Variants in LTA4H observed in about 807,000 individuals in gnomAD.
LTA4H encodes leukotriene A4 hydrolase, also known as leukotriene A-4 hydrolase.
In LTA4H, 59 loss-of-function variants were observed where a neutral mutation model predicts 89.8. The ratio of observed to expected loss-of-function variants is 0.66; its 90% CI spans 0.53 to 0.82. The LOEUF (loss-of-function observed/expected upper bound fraction) is 0.82, where lower values mean the gene tolerates loss of function less well. LTA4H is among the 40% of genes least tolerant of loss of function. LTA4H has a pLI of 0.00. For missense variants in LTA4H, 617 were observed against 727.0 expected (o/e 0.85, Z 1.74); for synonymous variants, 227 against 253.1 (o/e 0.90, Z 0.98).
At chr12:96,042,908 T>C (rs1383177087) in intron 1 of LTA4H, among the ~76,000 whole-genome samples, 1 of 152,112 alleles carries the variant, frequency 6.6e-6, no homozygotes, top group Non-Finnish European at 1.5e-5. Context: ...ATCAAACTTA[T>C]TTCTATATAT....
chr12:96,002,229 G>A (rs981229143), intron 18 of LTA4H, among the ~76,000 whole-genome samples: 1 of 152,154 alleles, frequency 6.6e-6, no homozygotes, highest in Non-Finnish European at 1.5e-5. Context: ...GTTTTAATTA[G>A]GGAAAGCATA....
At chr12:96,025,142 C>T (rs533144660) in intron 3 of LTA4H, among the ~76,000 whole-genome samples, 22 of 152,158 alleles carry the variant, frequency 1.4e-4, no homozygotes, top group Non-Finnish European at 2.8e-4. Context: ...CTTTTAGAAA[C>T]CTGAGAAAAA....
At chr12:96,036,948 G>C (rs10777767), upstream of LTA4H, among the ~76,000 whole-genome samples, 70,302 of 151,922 alleles carry the variant, frequency 0.46, 16,670 homozygotes, top group African/African-American at 0.5. Context: ...GAGATTGCGG[G>C]GCCGGTGCCA....
chr12:96,019,443 G>A (rs935842377), intron 6 of LTA4H, among the ~76,000 whole-genome samples: 1 of 152,054 alleles, frequency 6.6e-6, no homozygotes, highest in African/African-American at 2.4e-5. Context: ...TCTCTAAGGA[G>A]GTACAGGCTG....
intron 1 of LTA4H, among the ~76,000 whole-genome samples, chr12:96,042,498 G>C (rs1950695408): frequency 6.6e-6 from 1 of 152,012 alleles, no homozygotes. Context: ...TTTAGCAGGA[G>C]ACAAGATAAG....
At chr12:96,015,297 A>C (rs1950359633) in intron 11 of LTA4H, 1 of 501,402 alleles carries the variant, frequency 2.0e-6, no homozygotes, top group South Asian at 3.6e-5. Context: ...GACAACACTT[A>C]AAAATGACAT....
intron 4 of LTA4H, among the ~76,000 whole-genome samples, chr12:96,023,929 T>G (rs1256585975): frequency 6.6e-6 from 1 of 151,912 alleles, no homozygotes; most frequent in Non-Finnish European, 1.5e-5. Flanking sequence ...TGTTTTTTTG[T>G]TTTTTGGGTT....
upstream of LTA4H, among the ~76,000 whole-genome samples, chr12:96,038,729 A>C (rs2660840): frequency 0.31 from 46,540 of 148,708 alleles, 7,398 homozygotes; most frequent in South Asian, 0.34. Flanking sequence ...ACAATAGATA[A>C]CATAGAATTC....
chr12:96,036,858 C>T (rs1406491712), upstream of LTA4H, among the ~76,000 whole-genome samples: 4 of 152,166 alleles, frequency 2.6e-5, no homozygotes, highest in African/African-American at 4.8e-5. Context: ...CAGTATGCTT[C>T]CAGGTAGGCC....
chr12:96,006,211 C>A, intron 16 of LTA4H, 103 bp downstream of exon 16: 1 of 583,818 alleles, frequency 1.7e-6, no homozygotes, highest in Non-Finnish European at 3.0e-6. Flanking sequence ...TGATTTTTTC[C>A]CCATTAGTTT....
intron 14 of LTA4H, chr12:96,011,151 T>C (rs1346952769): frequency 6.6e-6 from 1 of 152,208 alleles, no homozygotes; most frequent in Non-Finnish European, 1.5e-5. Flanking sequence ...AGAAACACTT[T>C]TGAAGAACTA....
At chr12:96,011,712 T>C (rs1180539890) in intron 14 of LTA4H, 1 of 152,236 alleles carries the variant, frequency 6.6e-6, no homozygotes, top group East Asian at 1.9e-4. Context: ...GAATCTTTAT[T>C]ACATCTCTGC....
At chr12:96,003,794 T>C in intron 17 of LTA4H, 44 bp downstream of exon 17, 1 of 1,355,362 alleles carries the variant, frequency 7.4e-7, no homozygotes, top group East Asian at 2.3e-5. Context: ...CAAAGGAGTT[T>C]AGTTTTCTGC....
At chr12:96,008,816 G>T (rs1950249291) in intron 15 of LTA4H, among the ~76,000 whole-genome samples, 1 of 152,168 alleles carries the variant, frequency 6.6e-6, no homozygotes, top group Admixed American at 6.6e-5. Context: ...TTACTCGGGA[G>T]GCTGAGGTGG....
At chr12:96,006,187 A>T (rs772126013) in intron 16 of LTA4H, 127 bp downstream of exon 16, 4 of 548,490 alleles carry the variant, frequency 7.3e-6, no homozygotes, top group Non-Finnish European at 1.3e-5. Context: ...AAAGAAATGA[A>T]TAAATTTTAT....
At chr12:96,041,084 A>G (rs532954438) in intron 1 of LTA4H, among the ~76,000 whole-genome samples, 17 of 152,216 alleles carry the variant, frequency 1.1e-4, no homozygotes, top group Non-Finnish European at 2.1e-4. Context: ...CATACAATCC[A>G]AGGGATTAAA....
chr12:96,019,585 A>ATTTTTTT (rs755971682), intron 6 of LTA4H, among the ~76,000 whole-genome samples: 8 of 99,372 alleles, frequency 8.1e-5, no homozygotes, highest in African/African-American at 1.3e-4. Context: ...ATAAGAAACT[A>ATTTTTTT]TTTTTTTTTT....
rs1950630498 is a variant in LTA4H, at chr12:96,035,475, G to C, written c.45C>G (p.Ser15=). The change falls in exon 1 of 19, where the codon TCC becomes TCG. Residue 15 remains serine, a synonymous_variant. Transcript: ENST00000228740. ...VDTCSLASPA[S]VCRTKHLHLR... ...GGTGCAGGTGCTTGGTCCGGCAGAC[G>C]GAAGCCGGAGAGGCCAACGAACAGG... The C allele has an allele frequency of 6.2e-7, 1 of 1,608,954 alleles. No homozygotes were observed. Among genetic ancestry groups the C allele is most frequent in the Admixed American group, 1.7e-5 (1 of 59,294 alleles).
chr12:96,034,623 A>AAG (rs1248931665), intron 1 of LTA4H, among the ~76,000 whole-genome samples: 1 of 152,240 alleles, frequency 6.6e-6, no homozygotes, highest in Admixed American at 6.5e-5. Context: ...AAGGACCCTG[A>AAG]AGAGAGAGAG....
Sources: gnomAD v4.1 joint callset for allele counts (sites outside exome capture counted in the v4.1 genomes callset) on GRCh38, gnomAD v4.1.1 for gene constraint, MANE v1.5 for transcripts, NCBI Gene and HGNC (gene_info 2026-07-23, HGNC 2026-07-21) for gene names.